Variants in PABPC4L observed in about 807,000 individuals in gnomAD.
The protein encoded by PABPC4L is poly(A) binding protein cytoplasmic 4 like.
For synonymous variants in PABPC4L, 169 were observed against 164.1 expected (o/e 1.03, Z -0.23); for missense variants, 452 against 451.4 (o/e 1.00, Z -0.01).
the PABPC4L span, among the ~76,000 whole-genome samples, chr4:134,079,369 C>T: frequency 6.7e-6 from 1 of 150,310 alleles, no homozygotes; most frequent in Non-Finnish European, 1.5e-5. Context: ...ATCACGAGGT[C>T]GGAGATCGAG....
At chr4:134,008,821 G>T in the PABPC4L span, among the ~76,000 whole-genome samples, 1 of 151,526 alleles carries the variant, frequency 6.6e-6, no homozygotes, top group Non-Finnish European at 1.5e-5. Context: ...TCTTGACAAA[G>T]GTGCTCTTAC....
chr4:133,980,956 G>A, the PABPC4L span, among the ~76,000 whole-genome samples: 4 of 152,088 alleles, frequency 2.6e-5, no homozygotes, highest in African/African-American at 9.7e-5. Context: ...TCAGGAGTTC[G>A]AGACCAACCT....
At chr4:134,138,713 G>T in the PABPC4L span, among the ~76,000 whole-genome samples, 14 of 151,730 alleles carry the variant, frequency 9.2e-5, no homozygotes, top group African/African-American at 1.4e-4. Flanking sequence ...ACATGTGTAA[G>T]TAATGTGTTC....
At chr4:134,034,765 T>C in the PABPC4L span, among the ~76,000 whole-genome samples, 896 of 152,092 alleles carry the variant, frequency 5.9e-3, 16 homozygotes, top group Middle Eastern at 0.048. Context: ...GGGAGCTTCT[T>C]ATGAATGAGT....
the PABPC4L span, among the ~76,000 whole-genome samples, chr4:134,016,934 A>G: frequency 6.6e-6 from 1 of 152,170 alleles, no homozygotes; most frequent in African/African-American, 2.4e-5. Flanking sequence ...TAAGAAAACT[A>G]AAATATCTCT....
chr4:134,039,520 A>G, the PABPC4L span, among the ~76,000 whole-genome samples: 5 of 152,100 alleles, frequency 3.3e-5, no homozygotes, highest in African/African-American at 1.2e-4. Flanking sequence ...TTGGGCGCAT[A>G]TATATTTAGG....
the PABPC4L span, among the ~76,000 whole-genome samples, chr4:134,086,661 C>T: frequency 6.6e-6 from 1 of 151,666 alleles, no homozygotes; most frequent in African/African-American, 2.4e-5. Context: ...TCCACCGTCA[C>T]AGGGACCTAT....
At chr4:134,180,828 G>A in the PABPC4L span, among the ~76,000 whole-genome samples, 4 of 151,590 alleles carry the variant, frequency 2.6e-5, no homozygotes, top group African/African-American at 7.3e-5. Context: ...AGTTTGAACC[G>A]GTAAGATATT....
chr4:133,976,137 T>C, the PABPC4L span, among the ~76,000 whole-genome samples: 1 of 151,996 alleles, frequency 6.6e-6, no homozygotes, highest in Non-Finnish European at 1.5e-5. Context: ...GCCCAGTTTG[T>C]GTTGTTCCTC....
the PABPC4L span, among the ~76,000 whole-genome samples, chr4:134,098,430 T>C: frequency 6.6e-6 from 1 of 151,734 alleles, no homozygotes; most frequent in Non-Finnish European, 1.5e-5. Flanking sequence ...TATTTTTTAT[T>C]TTTATTGTTT....
the PABPC4L span, among the ~76,000 whole-genome samples, chr4:134,184,658 AG>A: frequency 2.0e-5 from 3 of 152,012 alleles, no homozygotes; most frequent in African/African-American, 7.2e-5. Context: ...CACCTACTGA[AG>A]GGCACCTTGG....
the PABPC4L span, among the ~76,000 whole-genome samples, chr4:134,032,271 C>T: frequency 6.6e-6 from 1 of 151,766 alleles, no homozygotes; most frequent in African/African-American, 2.4e-5. Context: ...CTTTAAAAAA[C>T]ATAAATAGGT....
the PABPC4L span, among the ~76,000 whole-genome samples, chr4:134,003,508 A>G: frequency 2.6e-4 from 39 of 152,016 alleles, no homozygotes; most frequent in Non-Finnish European, 5.3e-4. Flanking sequence ...GGGATTTTGT[A>G]AATATTTATG....
chr4:134,030,487 A>C, the PABPC4L span, among the ~76,000 whole-genome samples: 1 of 152,150 alleles, frequency 6.6e-6, no homozygotes, highest in Non-Finnish European at 1.5e-5. Flanking sequence ...AAGAAATCAC[A>C]TATCAATCCA....
the PABPC4L span, among the ~76,000 whole-genome samples, chr4:134,159,807 G>A: frequency 0.013 from 1,942 of 152,190 alleles, 41 homozygotes; most frequent in African/African-American, 0.041. Flanking sequence ...GCAGAAGCCC[G>A]CAGCCCTGAG....
the PABPC4L span, among the ~76,000 whole-genome samples, chr4:134,135,963 T>C: frequency 6.6e-6 from 1 of 152,164 alleles, no homozygotes; most frequent in East Asian, 1.9e-4. Flanking sequence ...GCATAACTCC[T>C]CAATTATTTT....
At chr4:133,995,055 A>T in the PABPC4L span, among the ~76,000 whole-genome samples, 3 of 152,164 alleles carry the variant, frequency 2.0e-5, no homozygotes, top group East Asian at 5.8e-4. Flanking sequence ...TGAACTTTCC[A>T]TCTGACTGAG....
the PABPC4L span, among the ~76,000 whole-genome samples, chr4:133,967,283 C>T: frequency 1.9e-4 from 29 of 151,962 alleles, no homozygotes; most frequent in South Asian, 2.1e-4. Context: ...CCAGTCTCAG[C>T]AATATAGCAA....
chr4:134,159,988 T>G, the PABPC4L span, among the ~76,000 whole-genome samples: 1 of 152,178 alleles, frequency 6.6e-6, no homozygotes, highest in Non-Finnish European at 1.5e-5. Context: ...TCCAGGTTTT[T>G]ACTCCTGCAT....
Sources: allele counts gnomAD v4.1 joint callset (sites outside exome capture counted in the v4.1 genomes callset), GRCh38; gene constraint gnomAD v4.1.1; transcripts MANE v1.5; gene names NCBI Gene and HGNC (gene_info 2026-07-23, HGNC 2026-07-21).